Variants in DPF3 observed in about 807,000 individuals in gnomAD.
The protein encoded by DPF3 is zinc finger protein DPF3.
A neutral mutation model predicts 56.8 loss-of-function variants in DPF3; 18 were observed. That is an observed-to-expected ratio of 0.32 (90% CI 0.22 to 0.47). DPF3 has a LOEUF of 0.47. Ranked by LOEUF, DPF3 falls within the 20% of genes least tolerant of loss-of-function variation. The probability of loss-of-function intolerance (pLI) is 1.00; values close to 1 mark genes in which losing one functional copy is unlikely to be tolerated. For synonymous variants in DPF3, 188 were observed against 180.2 expected (o/e 1.04, Z -0.35); for missense variants, 403 against 488.8 (o/e 0.82, Z 1.65).
intron 8 of DPF3, among the ~76,000 whole-genome samples, chr14:72,644,488 T>G (rs1885655320): frequency 6.6e-6 from 1 of 152,198 alleles, no homozygotes; most frequent in Admixed American, 6.5e-5. Flanking sequence ...ATGGGCTTTC[T>G]TTTTTTCCTC....
In DPF3 at chr14:72,611,961, G is replaced by A. The variant is rs1419345645; in HGVS notation, c.*7336C>T. Reference sequence around the variant, plus strand: ...CTTGGCAGAGCTTAATTTCATGGCTGAAAAGCAACTTGAAGGCTAGGCCAG... The same window carrying A: ...CTTGGCAGAGCTTAATTTCATGGCTAAAAAGCAACTTGAAGGCTAGGCCAG... On this transcript the variant is annotated 3_prime_UTR_variant, in exon 11 of 11. Transcript: ENST00000556509. Among the ~76,000 whole-genome samples, 1 of 152,168 alleles carries A rather than the reference G, an allele frequency of 6.6e-6. No homozygotes were observed. Among genetic ancestry groups the A allele is most frequent in the Non-Finnish European group, 1.5e-5 (1 of 68,024 alleles).
chr14:72,884,971 T>TGTATA (rs10523148), intron 1 of DPF3, among the ~76,000 whole-genome samples: 2 of 111,678 alleles, frequency 1.8e-5, no homozygotes, highest in Non-Finnish European at 1.9e-5. Flanking sequence ...TATATATATA[T>TGTATA]TAGCCGGGCG....
At chr14:72,734,774 T>C (rs1169525118) in intron 3 of DPF3, among the ~76,000 whole-genome samples, 1 of 152,118 alleles carries the variant, frequency 6.6e-6, no homozygotes, top group Non-Finnish European at 1.5e-5. Context: ...CTGAATGATA[T>C]TTCCAAGTTG....
intron 2 of DPF3, among the ~76,000 whole-genome samples, chr14:72,762,640 C>T (rs1041053795): frequency 6.6e-6 from 1 of 151,714 alleles, no homozygotes; most frequent in African/African-American, 2.4e-5. Context: ...TAATGTCATA[C>T]TTAATAACAA....
intron 1 of DPF3, among the ~76,000 whole-genome samples, chr14:72,796,669 A>G (rs75817092): frequency 2.0e-5 from 3 of 152,320 alleles, no homozygotes; most frequent in African/African-American, 7.2e-5. Flanking sequence ...TTGAATCCTA[A>G]TAACAACTCT....
chr14:72,643,681 T>C (rs551968419), intron 8 of DPF3, among the ~76,000 whole-genome samples: 1 of 152,284 alleles, frequency 6.6e-6, no homozygotes, highest in South Asian at 2.1e-4. Context: ...AGGTCCTCCC[T>C]AGGGCTCCCC....
At chr14:72,783,152 T>C (rs2139967722) in intron 1 of DPF3, among the ~76,000 whole-genome samples, 1 of 152,326 alleles carries the variant, frequency 6.6e-6, no homozygotes, top group East Asian at 1.9e-4. Flanking sequence ...TGAGATGTCT[T>C]CTTAGGTTCA....
At chr14:72,668,964 A>G (rs1886550608) in intron 8 of DPF3, among the ~76,000 whole-genome samples, 1 of 152,246 alleles carries the variant, frequency 6.6e-6, no homozygotes, top group Non-Finnish European at 1.5e-5. Context: ...AGCATGCAGA[A>G]TATGACAACC....
intron 2 of DPF3, among the ~76,000 whole-genome samples, chr14:72,758,845 CA>C (rs1457446387): frequency 6.6e-6 from 1 of 152,058 alleles, no homozygotes; most frequent in Non-Finnish European, 1.5e-5. Context: ...AAATATGTCC[CA>C]AAACAATGTT....
chr14:72,819,649 A>AT (rs1305504233), intron 1 of DPF3, among the ~76,000 whole-genome samples: 6 of 152,198 alleles, frequency 3.9e-5, no homozygotes, highest in African/African-American at 1.4e-4. Flanking sequence ...AAAAGAGTAG[A>AT]TAGTGGTCAG....
intron 7 of DPF3, among the ~76,000 whole-genome samples, chr14:72,686,348 C>T (rs1388480065): frequency 2.0e-5 from 3 of 152,326 alleles, no homozygotes; most frequent in Admixed American, 6.5e-5. Context: ...AGGCATGGTG[C>T]CAAACATTCA....
chr14:72,862,288 C>T (rs77087798), intron 1 of DPF3, among the ~76,000 whole-genome samples: 2,953 of 152,264 alleles, frequency 0.019, 70 homozygotes, highest in Non-Finnish European at 0.024. Flanking sequence ...GCCTTCCAGA[C>T]GAAGTGGAGC....
chr14:72,732,578 G>A (rs920870736), intron 3 of DPF3, among the ~76,000 whole-genome samples: 1 of 152,216 alleles, frequency 6.6e-6, no homozygotes, highest in Non-Finnish European at 1.5e-5. Context: ...TGCCTCACAA[G>A]CCCCGGATGA....
At chr14:72,860,239 G>T (rs1432177748) in intron 1 of DPF3, among the ~76,000 whole-genome samples, 1 of 152,146 alleles carries the variant, frequency 6.6e-6, no homozygotes, top group Non-Finnish European at 1.5e-5. Context: ...CTAGAATGCA[G>T]TGGCACAATC....
intron 1 of DPF3, among the ~76,000 whole-genome samples, chr14:72,805,696 A>G (rs1289968621): frequency 6.6e-6 from 1 of 152,088 alleles, no homozygotes; most frequent in Non-Finnish European, 1.5e-5. Flanking sequence ...AAATACAAAA[A>G]TTAGTTGGAC....
chr14:72,888,732 A>G (rs555016902), intron 1 of DPF3, among the ~76,000 whole-genome samples: 1 of 152,366 alleles, frequency 6.6e-6, no homozygotes, highest in Non-Finnish European at 1.5e-5. Flanking sequence ...TAGCTGGGCA[A>G]AAAATATTTC....
chr14:72,739,493 T>C (rs1175651120), intron 3 of DPF3, among the ~76,000 whole-genome samples: 2 of 152,162 alleles, frequency 1.3e-5, no homozygotes, highest in Non-Finnish European at 2.9e-5. Flanking sequence ...CCTCCTACAG[T>C]TTCCCTCTCC....
At chr14:72,656,147 C>T (rs994448860) in intron 8 of DPF3, among the ~76,000 whole-genome samples, 11 of 152,304 alleles carry the variant, frequency 7.2e-5, no homozygotes, top group Admixed American at 3.3e-4. Context: ...ATCCACAAAC[C>T]TTTCCTTAAA....
intron 8 of DPF3, among the ~76,000 whole-genome samples, chr14:72,651,900 C>T (rs1039251409): frequency 3.3e-5 from 5 of 152,164 alleles, no homozygotes; most frequent in African/African-American, 1.2e-4. Context: ...AGCTCAGGCT[C>T]ATTTGCACAC....
Sources: allele counts gnomAD v4.1 joint callset (sites outside exome capture counted in the v4.1 genomes callset), GRCh38; gene constraint gnomAD v4.1.1; transcripts MANE v1.5; gene names NCBI Gene and HGNC (gene_info 2026-07-23, HGNC 2026-07-21).